MPPED2: variants seen among roughly 807,000 people sequenced by gnomAD.
The protein encoded by MPPED2 is metallophosphoesterase MPPED2.
In MPPED2, 5 loss-of-function variants were observed where a neutral mutation model predicts 33.0. That is an observed-to-expected ratio of 0.15 (90% CI 0.08 to 0.32). The LOEUF (loss-of-function observed/expected upper bound fraction) is 0.32, where lower values mean the gene tolerates loss of function less well. MPPED2 is among the 10% of genes least tolerant of loss of function. The pLI is 1.00. For synonymous variants in MPPED2, 136 were observed against 141.9 expected (o/e 0.96, Z 0.29); for missense variants, 275 against 372.1 (o/e 0.74, Z 2.15).
At chr11:30,580,851 C>A (rs1218196378) in intron 1 of MPPED2, among the ~76,000 whole-genome samples, 1 of 152,136 alleles carries the variant, frequency 6.6e-6, no homozygotes, top group Non-Finnish European at 1.5e-5. Context: ...CCAAACCTGC[C>A]CTGCTAATTG....
intron 2 of MPPED2, among the ~76,000 whole-genome samples, chr11:30,545,240 G>T (rs1046928922): frequency 6.6e-6 from 1 of 152,138 alleles, no homozygotes; most frequent in Non-Finnish European, 1.5e-5. Context: ...GGGAGGTGGG[G>T]GGATTCTTGA....
intron 2 of MPPED2, among the ~76,000 whole-genome samples, chr11:30,536,792 A>C (rs1162805443): frequency 6.6e-6 from 1 of 152,128 alleles, no homozygotes. Context: ...AAAATTAAAA[A>C]AAAAAAAAGA....
In MPPED2 at chr11:30,410,407, G is replaced by A. The variant is rs545907323; in HGVS notation, c.*1061C>T. ...ATTAGCGACAATATTTTGTGCTAGCGAAGATTGCATCGACACACAGTGCAA... is the reference window on the plus strand; with the variant it reads ...ATTAGCGACAATATTTTGTGCTAGCAAAGATTGCATCGACACACAGTGCAA... On this transcript the variant is annotated 3_prime_UTR_variant, in exon 7 of 7. Transcript: ENST00000358117. 3.0e-6 allele frequency: 3 copies of A among 985,666 alleles called. No individual in the cohort carries two copies. Among genetic ancestry groups the A allele is most frequent in the South Asian group, 4.7e-5 (1 of 21,274 alleles). 61.1% of individuals were successfully genotyped at this position (985,666 alleles called of 1,614,324 possible).
intron 4 of MPPED2, among the ~76,000 whole-genome samples, chr11:30,421,458 A>T (rs1015502828): frequency 2.0e-5 from 3 of 149,840 alleles, no homozygotes; most frequent in Non-Finnish European, 4.4e-5. Context: ...TGAGAAGAAG[A>T]GCAGTTATAT....
At chr11:30,507,074 T>C (rs948412031) in intron 3 of MPPED2, among the ~76,000 whole-genome samples, 3 of 152,204 alleles carry the variant, frequency 2.0e-5, no homozygotes, top group Admixed American at 2.0e-4. Context: ...GAAAAAGCCA[T>C]CTCAATTTCC....
At chr11:30,537,734 A>G (rs1954888512) in intron 2 of MPPED2, among the ~76,000 whole-genome samples, 1 of 152,206 alleles carries the variant, frequency 6.6e-6, no homozygotes, top group African/African-American at 2.4e-5. Context: ...TGGAAGCCCA[A>G]AAAGAAAGTT....
At chr11:30,447,814 G>A (rs1045851811) in intron 4 of MPPED2, among the ~76,000 whole-genome samples, 7 of 152,106 alleles carry the variant, frequency 4.6e-5, no homozygotes, top group African/African-American at 1.4e-4. Context: ...GAGAGGTTTC[G>A]TGAGTCCCTG....
chr11:30,504,343 C>T (rs1952715392), intron 3 of MPPED2, among the ~76,000 whole-genome samples: 1 of 152,108 alleles, frequency 6.6e-6, no homozygotes, highest in South Asian at 2.1e-4. Flanking sequence ...AAAAGTAATA[C>T]CAACTGCTAG....
intron 6 of MPPED2, among the ~76,000 whole-genome samples, chr11:30,403,242 G>T (rs1315509547): frequency 1.5e-5 from 2 of 131,706 alleles, no homozygotes; most frequent in African/African-American, 2.7e-5. Context: ...GCGAGACTCC[G>T]TCTCAAAAAA....
chr11:30,559,974 T>C (rs559150960), intron 2 of MPPED2, among the ~76,000 whole-genome samples: 10 of 152,264 alleles, frequency 6.6e-5, no homozygotes, highest in Admixed American at 3.9e-4. Context: ...ATCAATAATG[T>C]AGCTAATAAA....
At chr11:30,474,412 C>T (rs1470940089) in intron 4 of MPPED2, among the ~76,000 whole-genome samples, 1 of 152,082 alleles carries the variant, frequency 6.6e-6, no homozygotes, top group African/African-American at 2.4e-5. Flanking sequence ...ACATTTAAAC[C>T]ACCTTATTCT....
intron 4 of MPPED2, among the ~76,000 whole-genome samples, chr11:30,427,765 C>T (rs1948903981): frequency 6.6e-6 from 1 of 152,152 alleles, no homozygotes; most frequent in Non-Finnish European, 1.5e-5. Flanking sequence ...GTTAGGTTAT[C>T]TCTGGGGGTG....
chr11:30,435,342 G>A (rs992727134), intron 4 of MPPED2, among the ~76,000 whole-genome samples: 22 of 152,140 alleles, frequency 1.4e-4, no homozygotes, highest in African/African-American at 4.8e-4. Flanking sequence ...CTTTTAACAA[G>A]CACACTATCA....
chr11:30,458,889 T>A (rs1288529111), intron 4 of MPPED2, among the ~76,000 whole-genome samples: 1 of 151,474 alleles, frequency 6.6e-6, no homozygotes. Flanking sequence ...CTACTTAAAT[T>A]TTTTTAGGAC....
Position 30,482,583 on chromosome 11 carries a change from C to T in MPPED2, c.536+12713G>A, listed in dbSNP as rs138795974. On this transcript the variant is annotated intron_variant, in intron 4 of 6. Transcript: ENST00000358117. ...TATTTCCCTTTCATTGTTTTTTCTACTGTTACTTGTAGAAACTCAGACAAA... is the reference window on the plus strand; with the variant it reads ...TATTTCCCTTTCATTGTTTTTTCTATTGTTACTTGTAGAAACTCAGACAAA... Among the ~76,000 whole-genome samples, 347 of 152,174 alleles carry T rather than the reference C, an allele frequency of 2.3e-3. 11 individuals carry two copies. The East Asian group carries it at 0.059, about 26-fold the overall frequency.
chr11:30,526,777 C>T (rs1388558083), intron 3 of MPPED2, among the ~76,000 whole-genome samples: 1 of 151,932 alleles, frequency 6.6e-6, no homozygotes, highest in Admixed American at 6.6e-5. Context: ...ACTTGCATGA[C>T]TATAAACATT....
intron 2 of MPPED2, among the ~76,000 whole-genome samples, chr11:30,556,308 C>T (rs1955959968): frequency 6.6e-6 from 1 of 152,164 alleles, no homozygotes. Context: ...ATGCTCTTCT[C>T]CATGCCATTC....
intron 2 of MPPED2, among the ~76,000 whole-genome samples, chr11:30,548,884 T>C (rs999997928): frequency 2.6e-5 from 4 of 152,184 alleles, no homozygotes; most frequent in African/African-American, 9.6e-5. Flanking sequence ...CTTGTGCCTC[T>C]CTACTTCACA....
chr11:30,466,469 G>T (rs892187615), intron 4 of MPPED2, among the ~76,000 whole-genome samples: 4 of 152,172 alleles, frequency 2.6e-5, no homozygotes, highest in Non-Finnish European at 4.4e-5. Flanking sequence ...CCTGACATCC[G>T]GTCCAATGGT....
Sources: gnomAD v4.1 joint callset for allele counts (sites outside exome capture counted in the v4.1 genomes callset) on GRCh38, gnomAD v4.1.1 for gene constraint, MANE v1.5 for transcripts, NCBI Gene and HGNC (gene_info 2026-07-23, HGNC 2026-07-21) for gene names.